The following SETD2 variants were observed in gnomAD, a reference collection of about 807,000 sequenced individuals.
The protein encoded by SETD2 is SET domain containing 2, histone lysine methyltransferase, also known as histone-lysine N-methyltransferase SETD2.
Under a neutral mutation model 242.1 loss-of-function variants are expected in SETD2, and 31 were observed. The ratio of observed to expected loss-of-function variants is 0.13; its 90% CI spans 0.10 to 0.17. The LOEUF (loss-of-function observed/expected upper bound fraction) is 0.17, where lower values mean the gene tolerates loss of function less well. Among genes scored for constraint, SETD2 ranks in the 10% least tolerant of loss-of-function variants. The probability of loss-of-function intolerance (pLI) is 1.00; values close to 1 mark genes in which losing one functional copy is unlikely to be tolerated. For missense variants in SETD2, 2,481 were observed against 3,046.3 expected (o/e 0.81, Z 4.37); for synonymous variants, 1,006 against 1,066.5 (o/e 0.94, Z 1.11).
chr3:47,105,943 G>A (rs776714689), intron 6 of SETD2, 54 bp downstream of exon 6: 1 of 1,514,826 alleles, frequency 6.6e-7, no homozygotes, highest in Non-Finnish European at 9.0e-7. Context: ...AGTATCAATG[G>A]CTCCTTCAAA....
chr3:47,071,067 T>A (rs2040799017), intron 12 of SETD2, among the ~76,000 whole-genome samples: 1 of 152,114 alleles, frequency 6.6e-6, no homozygotes, highest in African/African-American at 2.4e-5. Flanking sequence ...ACTCCCATGC[T>A]CAAGGGATGC....
At chr3:47,098,775 GAC>G (rs1179863886) in intron 8 of SETD2, among the ~76,000 whole-genome samples, 1 of 152,104 alleles carries the variant, frequency 6.6e-6, no homozygotes, top group Non-Finnish European at 1.5e-5. Context: ...CAGCCTGGGT[GAC>G]AGAGTAAGAC....
At chr3:47,105,052 C>T (rs2042355959) in intron 6 of SETD2, among the ~76,000 whole-genome samples, 1 of 152,132 alleles carries the variant, frequency 6.6e-6, no homozygotes, top group Non-Finnish European at 1.5e-5. Context: ...TTCTAAATTT[C>T]TCAGTTGTGA....
At chr3:47,127,378 G>A (rs936410812) in intron 1 of SETD2, among the ~76,000 whole-genome samples, 2 of 150,864 alleles carry the variant, frequency 1.3e-5, no homozygotes, top group Non-Finnish European at 3.0e-5. Context: ...CTGAAGAGAC[G>A]ATTCGTTTTT....
At chr3:47,117,863 T>C (rs370988893) in intron 3 of SETD2, among the ~76,000 whole-genome samples, 2 of 152,230 alleles carry the variant, frequency 1.3e-5, no homozygotes, top group East Asian at 3.8e-4. Flanking sequence ...GCTGATGAAC[T>C]AGTCTTTTAC....
rs1321066424 is a variant in SETD2 at position 47,148,577 on chromosome 3, A to C, written c.71+15277T>G. Among the ~76,000 whole-genome samples, 3 of 152,210 alleles carry C rather than the reference A, an allele frequency of 2.0e-5. No homozygotes were observed. In the East Asian group the frequency reaches 5.8e-4, roughly 29 times the overall value. ...TATACCTTCTTTCTACCTCTATACT[A>C]TTCTAAAATGAGCACTGGTTTTTAA... On this transcript the variant is annotated intron_variant, in intron 1 of 20. Transcript: ENST00000409792.
At chr3:47,079,437 TA>T (rs958664565) in intron 12 of SETD2, among the ~76,000 whole-genome samples, 2 of 152,116 alleles carry the variant, frequency 1.3e-5, no homozygotes, top group East Asian at 1.9e-4. Flanking sequence ...AAGACTTTTT[TA>T]AAAAAACTAA....
chr3:47,146,440 C>A (rs2043857179), intron 1 of SETD2, among the ~76,000 whole-genome samples: 1 of 151,986 alleles, frequency 6.6e-6, no homozygotes, highest in African/African-American at 2.4e-5. Flanking sequence ...CCAGCCTGGC[C>A]AACATAGCGA....
Position 47,120,726 on chromosome 3 carries a change from C to T in SETD2, c.3910G>A (p.Gly1304Ser), listed in dbSNP as rs1364066394. 1 of 1,614,190 alleles carries T rather than the reference C, an allele frequency of 6.2e-7. No homozygotes were observed. Residue 1304 changes from glycine (G) to serine (S), a missense_variant, in exon 3 of 21, where the codon GGT becomes AGT. Physicochemically the swap from Gly to Ser is moderately conservative, Grantham distance 56. Transcript: ENST00000409792. ...GGTRDYWQGN[G>S]YWDPRSGRPP... ...CTACCTGATCTTGGATCCCAGTAAC[C>T]ATTGCCTTGCCAGTAATCACGTGTC...
Position 47,078,610 on chromosome 3 carries a change from TA to T in SETD2, c.6060+5109del, listed in dbSNP as rs770053996. 4.0e-5 allele frequency among the ~76,000 whole-genome samples: 6 copies of T among 150,664 alleles called. No individual in the cohort carries two copies. The East Asian group carries it at 7.8e-4, about 20-fold the overall frequency. On this transcript the variant is annotated intron_variant, in intron 12 of 20. Coordinates refer to ENST00000409792, the MANE Select transcript of SETD2 (RefSeq NM_014159.7). ...AAGAGGTCTGCTGATTAGATCATAG[TA>T]TTTTATCACTGTGATTTGCTGATTT...
At chr3:47,062,035 C>CA in intron 14 of SETD2, 128 bp downstream of exon 14, 2 of 755,300 alleles carry the variant, frequency 2.6e-6, no homozygotes, top group Non-Finnish European at 4.4e-6. Context: ...GTTGTATACT[C>CA]ACTCATCAAA....
chr3:47,029,854 C>T (rs1419084050), intron 18 of SETD2, among the ~76,000 whole-genome samples: 4 of 152,098 alleles, frequency 2.6e-5, no homozygotes, highest in Non-Finnish European at 5.9e-5. Flanking sequence ...AAAAAGCGGA[C>T]ATTTAAATGA....
chr3:47,144,866 G>A (rs1253309232), intron 1 of SETD2, among the ~76,000 whole-genome samples: 1 of 151,874 alleles, frequency 6.6e-6, no homozygotes, highest in Non-Finnish European at 1.5e-5. Context: ...TACGAGAATC[G>A]CTTGAACCCG....
upstream of SETD2, among the ~76,000 whole-genome samples, chr3:47,164,123 C>T (rs1697599345): frequency 6.6e-6 from 1 of 152,118 alleles, no homozygotes; most frequent in South Asian, 2.1e-4. This position sits in a 1 kb window ranked among gnomAD's most constrained non-coding sequence, Gnocchi z 5.4. Flanking sequence ...TCCCTCTCAC[C>T]CTCACACCGG....
intron 13 of SETD2, among the ~76,000 whole-genome samples, chr3:47,065,816 C>G (rs1239499957): frequency 1.3e-5 from 2 of 152,008 alleles, no homozygotes; most frequent in Non-Finnish European, 2.9e-5. Context: ...AAAAATAAAT[C>G]AATAAATAAG....
At chr3:47,037,641 A>G (rs1334185892) in intron 18 of SETD2, 25 bp downstream of exon 18, 1 of 1,557,446 alleles carries the variant, frequency 6.4e-7, no homozygotes, top group Non-Finnish European at 8.9e-7. Context: ...AATGATCAGG[A>G]AATACATGTG....
chr3:47,122,869 A>G lies in SETD2; in HGVS notation c.1767T>C (p.Ser589=), dbSNP rs1489152740. ...NEEIKQSHSF[S]LQTPCSKGSE... The stretch of plus-strand genomic sequence containing the variant: ...TACCTTTTGAACAAGGTGTCTGTAA[A>G]CTAAAAGAATGAGACTGTTTGATTT... The change falls in exon 3 of 21, where the codon AGT becomes AGC. Residue 589 remains serine (S), a synonymous_variant. Coordinates refer to ENST00000409792, the MANE Select transcript of SETD2 (RefSeq NM_014159.7). The G allele has an allele frequency of 3.1e-6, 5 of 1,611,340 alleles. No homozygotes were observed. Among genetic ancestry groups the G allele is most frequent in the Non-Finnish European group, 4.2e-6 (5 of 1,178,970 alleles).
rs2038045987 is a variant in SETD2, at chr3:47,017,773, C to T, written c.7432-34G>A. 6.8e-7 allele frequency: 1 copy of T among 1,470,998 alleles called. No homozygotes were observed. Among genetic ancestry groups the T allele is most frequent in the Non-Finnish European group, 9.5e-7 (1 of 1,049,736 alleles). The allele number at this position is 1,470,998 out of a possible 1,614,324, so 91.1% of individuals were successfully genotyped here. On this transcript the variant is annotated intron_variant, in intron 19 of 20. Transcript: ENST00000409792. This position sits in a 1 kb window ranked among gnomAD's most constrained non-coding sequence, Gnocchi z 4.8. ...AGAGAAAAGAGAACACGTTGCTCAA[C>T]AGTCCAGAGAGGGCAAGGAGTTGTA...
rs771436044 is a variant in SETD2 at position 47,122,397 on chromosome 3, T to G, written c.2239A>C (p.Arg747=). 1.2e-6 allele frequency: 2 copies of G among 1,614,132 alleles called. No homozygotes were observed. Among genetic ancestry groups the G allele is most frequent in the Non-Finnish European group, 1.7e-6 (2 of 1,179,986 alleles). The change falls in exon 3 of 21, where the codon AGA becomes CGA. Residue 747 remains arginine (R), a synonymous_variant. Coordinates refer to ENST00000409792, the MANE Select transcript of SETD2 (RefSeq NM_014159.7). ...MLHKKSESPF[R]ETEPLVSPHQ... ...GGTGACACCAGAGGTTCTGTTTCTCTAAATGGGCTTTCTGACTTCTTATGC... is the reference window on the plus strand; with the variant it reads ...GGTGACACCAGAGGTTCTGTTTCTCGAAATGGGCTTTCTGACTTCTTATGC...
Sources: gnomAD v4.1 joint callset for allele counts (sites outside exome capture counted in the v4.1 genomes callset) on GRCh38, gnomAD v4.1.1 for gene constraint, Gnocchi (gnomAD v3.1) non-coding constraint, MANE v1.5 for transcripts, NCBI Gene and HGNC (gene_info 2026-07-23, HGNC 2026-07-21) for gene names.